HEY1: variants seen among roughly 807,000 people sequenced by gnomAD.
HEY1 encodes the protein hes related family bHLH transcription factor with YRPW motif 1, also known as hairy/enhancer-of-split related with YRPW motif protein 1.
In HEY1, 9 loss-of-function variants were observed where a neutral mutation model predicts 28.7. The observed-to-expected ratio is 0.31, with a 90% CI of 0.19 to 0.55. The LOEUF (loss-of-function observed/expected upper bound fraction) is 0.55, where lower values mean the gene tolerates loss of function less well. Ranked by LOEUF, HEY1 falls within the 20% of genes least tolerant of loss-of-function variation. HEY1 has a pLI of 0.93. For missense variants in HEY1, 385 were observed against 399.4 expected (o/e 0.96, Z 0.31); for synonymous variants, 213 against 175.6 (o/e 1.21, Z -1.68).
chr8:79,766,372 C>T (rs1470734238), intron 4 of HEY1: 15 of 1,469,234 alleles, frequency 1.0e-5, no homozygotes, highest in Non-Finnish European at 1.1e-5. Context: ...GCTACCTGAT[C>T]TGAATCAGGG....
Position 79,765,059 on chromosome 8 carries a change from A to G in HEY1, c.*129T>C. Reference sequence around the variant, plus strand: ...GTAAACCAACAAACCTTTAGTCTTTAAAAAAAAAATTATCTGAAAGTGTAC... The same window carrying G: ...GTAAACCAACAAACCTTTAGTCTTTGAAAAAAAAATTATCTGAAAGTGTAC... On this transcript the variant is annotated 3_prime_UTR_variant, in exon 5 of 5. Transcript: ENST00000354724. The G allele has an allele frequency of 1.8e-6, 1 of 541,450 alleles. No individual in the cohort carries two copies. The highest frequency in any genetic ancestry group is 3.1e-6 in the Non-Finnish European group (1 of 327,546). 33.5% of individuals were successfully genotyped at this position (541,450 alleles called of 1,614,324 possible).
chr8:79,766,593 A>C, intron 4 of HEY1, 58 bp downstream of exon 4: 1 of 1,608,950 alleles, frequency 6.2e-7, no homozygotes, highest in Non-Finnish European at 8.5e-7. Context: ...CCTGGCCTTC[A>C]GCCGCTGCTC....
chr8:79,767,345 A>G (rs1375654383), intron 1 of HEY1, 51 bp from the exon 2 acceptor site: 1 of 1,523,150 alleles, frequency 6.6e-7, no homozygotes, highest in East Asian at 2.3e-5. Context: ...TTAAACGAGG[A>G]GAGGTGATCT....
In HEY1 at chr8:79,765,479, G is replaced by A. The variant is rs1474215485; in HGVS notation, c.624C>T (p.Ala208=). 9 of 1,613,336 alleles carry A rather than the reference G, an allele frequency of 5.6e-6. No homozygotes were observed. The highest frequency in any genetic ancestry group is 7.6e-6 in the Non-Finnish European group (9 of 1,179,740). ...QNGHGNAGTT[A]SPTEPHHQGR... Reference sequence around the variant, plus strand: ...CCTGGTGGTGCGGTTCCGTGGGTGAGGCCGTGGTGCCCGCGTTCCCGTGGC... The same window carrying A: ...CCTGGTGGTGCGGTTCCGTGGGTGAAGCCGTGGTGCCCGCGTTCCCGTGGC... Residue 208 remains alanine, a synonymous_variant, in exon 5 of 5, where the codon GCC becomes GCT. Coordinates refer to ENST00000354724, the MANE Select transcript of HEY1 (RefSeq NM_012258.4).
At chr8:79,766,578 C>T (rs995781838) in intron 4 of HEY1, 73 bp downstream of exon 4, 8 of 1,603,874 alleles carry the variant, frequency 5.0e-6, no homozygotes, top group Admixed American at 1.7e-5. Context: ...AGCTACTGCA[C>T]CAATCCTGGC....
At chr8:79,766,371 T>C in intron 4 of HEY1, 7 of 1,470,148 alleles carry the variant, frequency 4.8e-6, no homozygotes, top group Non-Finnish European at 6.2e-6. Flanking sequence ...AGCTACCTGA[T>C]CTGAATCAGG....
intron 4 of HEY1, 158 bp downstream of exon 4, chr8:79,766,493 C>A: frequency 6.6e-7 from 1 of 1,507,990 alleles, no homozygotes; most frequent in South Asian, 1.3e-5. Flanking sequence ...ATTCTATGTG[C>A]ATTCGAAAAT....
At position 79,765,165 on chromosome 8, in the gene HEY1, C is replaced by T; in HGVS notation, c.*23G>A. The stretch of plus-strand genomic sequence containing the variant: ...CCCAGCTGGGATTTTAAACTTTCCC[C>T]TCCCTCATTCTACATCAGTTCTTTA... On this transcript the variant is annotated 3_prime_UTR_variant, in exon 5 of 5. Transcript: ENST00000354724. 6.7e-7 allele frequency: 1 copy of T among 1,489,302 alleles called. No homozygotes were observed. The highest frequency in any genetic ancestry group is 1.3e-5 in the South Asian group (1 of 77,860). 92.3% of individuals were successfully genotyped at this position (1,489,302 alleles called of 1,614,324 possible).
rs1563478306 is a variant in HEY1, at chr8:79,767,707, AG to A, written c.-45del. 6.8e-7 allele frequency: 1 copy of A among 1,460,940 alleles called. No homozygotes were observed. The highest frequency in any genetic ancestry group is 1.2e-5 in the South Asian group (1 of 82,792). 90.5% of individuals were successfully genotyped at this position (1,460,940 alleles called of 1,614,324 possible). On this transcript the variant is annotated 5_prime_UTR_variant, in exon 1 of 5. Coordinates refer to ENST00000354724, the MANE Select transcript of HEY1 (RefSeq NM_012258.4). ...CCTGGGGAGGGTCGGCGCGGCGGGC[AG>A]GGAGGAGTTAACTACAGCGGCGCCT...
intron 1 of HEY1, 81 bp downstream of exon 1, chr8:79,767,479 CACCGGCGCGCCAAGG>C: frequency 1.6e-6 from 2 of 1,286,240 alleles, no homozygotes; most frequent in Non-Finnish European, 2.2e-6. Flanking sequence ...CAGCGCAGGG[CACCGGCGCGCCAAGG>C]GTCCTAGCCC....
At position 79,766,065 on chromosome 8, in the gene HEY1, C is replaced by CA. The variant is rs11448857; in HGVS notation, c.332-295dup. On this transcript the variant is annotated intron_variant, in intron 4 of 4. Coordinates refer to ENST00000354724, the MANE Select transcript of HEY1 (RefSeq NM_012258.4). ...CTTTAATGTTTTCCCTCAACAACAA[C>CA]AAAAAATACATCAAGGGCAGAGAAA... The CA allele has an allele frequency of 0.43, 303,905 of 713,632 alleles. 66,281 individuals carry two copies. The highest frequency in any genetic ancestry group is 0.5 in the Admixed American group (15,450 of 31,172). The allele number at this position is 713,632 out of a possible 1,614,324, so 44.2% of individuals were successfully genotyped here. A position where few individuals can be genotyped will look rare whatever the true frequency, so the allele number is the denominator to read the frequency against.
At position 79,765,401 on chromosome 8, in the gene HEY1, G is replaced by C; in HGVS notation, c.702C>G (p.Ser234Arg). The change falls in exon 5 of 5, where the codon AGC becomes AGG. Residue 234 changes from serine to arginine, a missense_variant. By Grantham distance (110) the Ser-to-Arg change is moderately radical (BLOSUM62 -1). Around this residue, in one of 3 missense-constraint regions of HEY1, gnomAD observed 223 missense variants for 215.9 expected, o/e 1.03. Transcript: ENST00000354724. ...PEAPALRAPP[S>R]GSLGPVLPVV... is the part of the protein sequence containing the mutation. ...CAGGGAGCACCGGTCCGAGGCTGCC[G>C]CTAGGGGGCGCTCGCAAAGCAGGCG... 1.2e-6 allele frequency: 2 copies of C among 1,607,008 alleles called. No homozygotes were observed. Among genetic ancestry groups the C allele is most frequent in the Non-Finnish European group, 1.7e-6 (2 of 1,176,806 alleles).
In HEY1 at chr8:79,765,127, G is replaced by T; in HGVS notation, c.*61C>A. 1 of 1,188,052 alleles carries T rather than the reference G, an allele frequency of 8.4e-7. No individual in the cohort carries two copies. Among genetic ancestry groups the T allele is most frequent in the Non-Finnish European group, 1.2e-6 (1 of 864,926 alleles). The allele number at this position is 1,188,052 out of a possible 1,614,324, so 73.6% of individuals were successfully genotyped here. A position where few individuals can be genotyped will look rare whatever the true frequency, so the allele number is the denominator to read the frequency against. On this transcript the variant is annotated 3_prime_UTR_variant, in exon 5 of 5. Transcript: ENST00000354724. ...TTACTGACGACTTTAAGGTGATGTT[G>T]GCAACAGTCCAGCCCAGCTGGGATT...
intron 4 of HEY1, chr8:79,766,356 G>C: frequency 6.8e-7 from 1 of 1,481,218 alleles, no homozygotes. Flanking sequence ...ATGGACAAAT[G>C]TGAAAGCTAC....
chr8:79,765,905 T>C, intron 4 of HEY1, 134 bp from the exon 5 acceptor site: 2 of 825,594 alleles, frequency 2.4e-6, no homozygotes, highest in Non-Finnish European at 3.7e-6. Context: ...CCGAAAGTCT[T>C]TGGAATCAAC....
intron 4 of HEY1, 84 bp downstream of exon 4, chr8:79,766,567 C>G (rs1807844483): frequency 6.3e-7 from 1 of 1,583,462 alleles, no homozygotes; most frequent in African/African-American, 1.4e-5. Context: ...AAAAATCAGG[C>G]AGCTACTGCA....
intron 4 of HEY1, 96 bp from the exon 5 acceptor site, chr8:79,765,867 C>T (rs1807821934): frequency 9.6e-7 from 1 of 1,043,106 alleles, no homozygotes. Context: ...TACCTGCATC[C>T]CTTAAAACAC....
In HEY1 at chr8:79,767,121, G is replaced by A. The variant is rs765346979; in HGVS notation, c.166-29C>T. On this transcript the variant is annotated intron_variant, in intron 2 of 4. Transcript: ENST00000354724. ...CAGAAGGCAAGCAAAACAAAGGAAGGCATTACCATTACGACTGTAAATTTC... is the reference window on the plus strand; with the variant it reads ...CAGAAGGCAAGCAAAACAAAGGAAGACATTACCATTACGACTGTAAATTTC... 12 of 1,593,260 alleles carry A rather than the reference G, an allele frequency of 7.5e-6. No individual in the cohort carries two copies. In the Admixed American group the frequency reaches 1.8e-4, roughly 24 times the overall value.
rs751024709 is a variant in HEY1 at position 79,765,666 on chromosome 8, G to A, written c.437C>T (p.Ala146Val). ...RYLSIIEGLDASDPLRVRLVS... is the reference protein window; with the variant it reads ...RYLSIIEGLDVSDPLRVRLVS... ...CAGTCGAACTCGAAGCGGGTCAGAGGCATCTAGTCCTTCAATGATGCTCAG... is the reference window on the plus strand; with the variant it reads ...CAGTCGAACTCGAAGCGGGTCAGAGACATCTAGTCCTTCAATGATGCTCAG... The change falls in exon 5 of 5, where the codon GCC (alanine) becomes GTC (valine). Residue 146 changes from alanine (A) to valine (V), a missense_variant. Transcript: ENST00000354724. The A allele has an allele frequency of 3.1e-6, 5 of 1,614,144 alleles. No homozygotes were observed. Among genetic ancestry groups the A allele is most frequent in the African/African-American group, 2.7e-5 (2 of 74,960 alleles).
Sources: gnomAD v4.1 joint callset for allele counts on GRCh38, gnomAD v4.1.1 for gene constraint, gnomAD v4.1.1 regional missense constraint, MANE v1.5 for transcripts, NCBI Gene and HGNC (gene_info 2026-07-23, HGNC 2026-07-21) for gene names.